Variants in ADGRL4 observed in about 807,000 individuals in gnomAD.
ADGRL4 encodes EGF, latrophilin and seven transmembrane domain containing 1.
Under a neutral mutation model 74.8 loss-of-function variants are expected in ADGRL4, and 90 were observed. The ratio of observed to expected loss-of-function variants is 1.20; its 90% CI spans 1.02 to 1.43. The LOEUF is 1.43. Among genes scored for constraint, ADGRL4 ranks in the 40% most tolerant of loss-of-function variants. The pLI, the probability that ADGRL4 is intolerant of heterozygous loss-of-function variation, is 0.00. For synonymous variants in ADGRL4, 311 were observed against 279.2 expected (o/e 1.11, Z -1.14); for missense variants, 881 against 814.3 (o/e 1.08, Z -1.00).
intron 12 of ADGRL4, among the ~76,000 whole-genome samples, chr1:78,907,875 C>T (rs960419058): frequency 9.2e-5 from 14 of 151,790 alleles, no homozygotes; most frequent in African/African-American, 3.1e-4. Context: ...AGTATCCACA[C>T]GTCCCCGTTT....
Position 78,921,722 on chromosome 1 carries a change from C to A in ADGRL4, c.1148G>T (p.Ser383Ile). ...WNYSPDTMNGSWSSEGCELTY... is the reference protein window; with the variant it reads ...WNYSPDTMNGIWSSEGCELTY... ...CAGCTCACAGCCCTCTGAAGACCAG[C>A]TGCCATTCATGGTATCAGGTGAGTA... Residue 383 changes from serine to isoleucine, a missense_variant, in exon 9 of 15, where the codon AGC (serine) becomes ATC (isoleucine). Transcript: ENST00000370742. The A allele has an allele frequency of 6.2e-7, 1 of 1,604,142 alleles. No homozygotes were observed. Among genetic ancestry groups the A allele is most frequent in the South Asian group, 1.1e-5 (1 of 90,224 alleles).
At chr1:78,968,953 A>C (rs1650115051) in intron 2 of ADGRL4, among the ~76,000 whole-genome samples, 1 of 152,214 alleles carries the variant, frequency 6.6e-6, no homozygotes, top group African/African-American at 2.4e-5. Flanking sequence ...TGAGGAGCTG[A>C]AATGTTCAAG....
intron 2 of ADGRL4, among the ~76,000 whole-genome samples, chr1:78,969,394 C>A (rs1193952781): frequency 6.6e-6 from 1 of 152,162 alleles, no homozygotes; most frequent in Admixed American, 6.5e-5. Flanking sequence ...CCTAGACAGT[C>A]CCTGTACAGG....
chr1:78,946,096 A>C (rs1181911647), intron 3 of ADGRL4, among the ~76,000 whole-genome samples, 178 bp downstream of exon 3: 1 of 152,168 alleles, frequency 6.6e-6, no homozygotes, highest in Non-Finnish European at 1.5e-5. Context: ...TCCTTGGATA[A>C]CTATCCCACA....
intron 7 of ADGRL4, among the ~76,000 whole-genome samples, chr1:78,929,151 A>T (rs1381071426): frequency 6.6e-6 from 1 of 151,484 alleles, no homozygotes; most frequent in Admixed American, 6.6e-5. Context: ...AGAGCATTGA[A>T]TCTTGTTCTA....
At position 78,891,048 on chromosome 1, in the gene ADGRL4, A is replaced by T; in HGVS notation, c.*106T>A. 2 of 1,104,822 alleles carry T rather than the reference A, an allele frequency of 1.8e-6. No individual in the cohort carries two copies. The highest frequency in any genetic ancestry group is 2.8e-6 in the Non-Finnish European group (2 of 723,600). 68.4% of individuals were successfully genotyped at this position (1,104,822 alleles called of 1,614,324 possible). A position where few individuals can be genotyped will look rare whatever the true frequency, so the allele number is the denominator to read the frequency against. Reference sequence around the variant, plus strand: ...AACTGATTTAAAATACTTTTTGTCTAGTAGTTAATAATTGGATAATTTGAT... The same window carrying T: ...AACTGATTTAAAATACTTTTTGTCTTGTAGTTAATAATTGGATAATTTGAT... On this transcript the variant is annotated 3_prime_UTR_variant, in exon 15 of 15. Transcript: ENST00000370742.
At chr1:78,957,387 G>A (rs930789825) in intron 2 of ADGRL4, among the ~76,000 whole-genome samples, 1 of 152,180 alleles carries the variant, frequency 6.6e-6, no homozygotes, top group Non-Finnish European at 1.5e-5. Flanking sequence ...AAACAGCCAA[G>A]TTGTGAATGC....
chr1:78,978,202 G>A (rs1171770923), intron 2 of ADGRL4, among the ~76,000 whole-genome samples: 2 of 151,804 alleles, frequency 1.3e-5, no homozygotes, highest in African/African-American at 2.4e-5. Context: ...ATTAAAAGTA[G>A]CCTATATTCC....
chr1:78,892,786 A>G (rs1648311048), intron 13 of ADGRL4, among the ~76,000 whole-genome samples: 1 of 152,050 alleles, frequency 6.6e-6, no homozygotes, highest in Non-Finnish European at 1.5e-5. Context: ...AACAAGAAAG[A>G]AACAGTTACT....
chr1:78,920,618 ATT>A (rs1020885700), intron 9 of ADGRL4, among the ~76,000 whole-genome samples: 1 of 151,628 alleles, frequency 6.6e-6, no homozygotes, highest in Non-Finnish European at 1.5e-5. Context: ...GTAATTGGTG[ATT>A]TTTTTTCTAG....
intron 2 of ADGRL4, among the ~76,000 whole-genome samples, chr1:78,999,355 T>C (rs1220713545): frequency 6.6e-6 from 1 of 152,176 alleles, no homozygotes; most frequent in Non-Finnish European, 1.5e-5. Flanking sequence ...TACCAGAATT[T>C]TCATGGAAAA....
chr1:78,897,091 G>A (rs1458613894), intron 12 of ADGRL4, among the ~76,000 whole-genome samples: 1 of 152,080 alleles, frequency 6.6e-6, no homozygotes, highest in Non-Finnish European at 1.5e-5. Context: ...TCAATTTTAT[G>A]GAAATGTAGA....
chr1:79,004,678 A>T (rs1439489629), intron 2 of ADGRL4, among the ~76,000 whole-genome samples: 1 of 152,128 alleles, frequency 6.6e-6, no homozygotes, highest in African/African-American at 2.4e-5. Context: ...GTGGTATCAT[A>T]TACCATATAG....
chr1:78,897,394 T>A (rs938233748), intron 12 of ADGRL4, among the ~76,000 whole-genome samples: 6 of 152,166 alleles, frequency 3.9e-5, no homozygotes, highest in African/African-American at 1.4e-4. Flanking sequence ...TCCTTGATAT[T>A]TGCTCACCCT....
At chr1:78,929,815 A>G (rs1649201375) in intron 7 of ADGRL4, among the ~76,000 whole-genome samples, 1 of 151,502 alleles carries the variant, frequency 6.6e-6, no homozygotes, top group Non-Finnish European at 1.5e-5. Flanking sequence ...GCTACCGTAC[A>G]ATCAGACAAA....
rs1285386275 is a variant in ADGRL4 at position 78,935,898 on chromosome 1, C to T, written c.877+397G>A. Among the ~76,000 whole-genome samples, 2 of 23,540 alleles carry T rather than the reference C, an allele frequency of 8.5e-5. 1 individual carries two copies. 15.4% of individuals were successfully genotyped at this position (23,540 alleles called of 152,430 possible). On this transcript the variant is annotated intron_variant, in intron 7 of 14. Coordinates refer to ENST00000370742, the MANE Select transcript of ADGRL4 (RefSeq NM_022159.4). Reference sequence around the variant, plus strand: ...CAGCACTTTGGGAGGCCGAGGCGGGCGGATCACGAGGTCAGGAGATCGAGA... The same window carrying T: ...CAGCACTTTGGGAGGCCGAGGCGGGTGGATCACGAGGTCAGGAGATCGAGA...
chr1:78,909,341 T>A lies in ADGRL4; in HGVS notation c.1749+8293A>T, dbSNP rs76580578. Among the ~76,000 whole-genome samples the A allele has an allele frequency of 2.9e-3, 434 of 152,038 alleles. 2 individuals are homozygous for A. The highest frequency in any genetic ancestry group is 7.3e-3 in the South Asian group (35 of 4,824). On this transcript the variant is annotated intron_variant, in intron 12 of 14. Transcript: ENST00000370742. ...CTGCAAAATACAATCGTATTCAAGA[T>A]ACTTAACATCCATGTCTAGGCTAGT...
At position 78,936,389 on chromosome 1, in the gene ADGRL4, A is replaced by C. The variant is rs1399705994; in HGVS notation, c.783T>G (p.Asp261Glu). ...TDIALKVFFF[D>E]SYNMKHIHPH... ...GATGAATATGTTTCATGTTATATGA[A>C]TCAAAAAAGAAAACTTTGAGAGCTG... is the stretch of plus-strand genomic sequence containing the variant. The change falls in exon 7 of 15, where the codon GAT becomes GAG. Residue 261 changes from aspartate (D) to glutamate (E), a missense_variant. Transcript: ENST00000370742. 2 of 1,570,582 alleles carry C rather than the reference A, an allele frequency of 1.3e-6. No homozygotes were observed. Among genetic ancestry groups the C allele is most frequent in the Non-Finnish European group, 1.7e-6 (2 of 1,166,040 alleles).
chr1:78,910,216 T>C (rs1363373322), intron 12 of ADGRL4, among the ~76,000 whole-genome samples: 1 of 151,824 alleles, frequency 6.6e-6, no homozygotes, highest in African/African-American at 2.4e-5. Context: ...GTAATAAGAA[T>C]GTCTTACATA....
Sources: allele counts gnomAD v4.1 joint callset (sites outside exome capture counted in the v4.1 genomes callset), GRCh38; gene constraint gnomAD v4.1.1; transcripts MANE v1.5; gene names NCBI Gene and HGNC (gene_info 2026-07-23, HGNC 2026-07-21).